The following CARNMT1 variants were observed in gnomAD, a reference collection of about 807,000 sequenced individuals.
CARNMT1 encodes carnosine N-methyltransferase 1.
CARNMT1 carries 28 observed loss-of-function variants against 49.6 expected under a neutral mutation model. The observed-to-expected ratio is 0.56, with a 90% CI of 0.42 to 0.77. The LOEUF (loss-of-function observed/expected upper bound fraction) is 0.77. Ranked by LOEUF, CARNMT1 falls within the 30% of genes least tolerant of loss-of-function variation. The pLI is 0.00. For synonymous variants in CARNMT1, 178 were observed against 175.0 expected, an observed-to-expected ratio of 1.02 and a Z score of -0.13; for missense variants, 421 against 512.6, an observed-to-expected ratio of 0.82 and a Z score of 1.73.
intron 6 of CARNMT1, among the ~76,000 whole-genome samples, chr9:74,990,297 CCTT>C (rs1832972899): frequency 6.6e-6 from 1 of 152,138 alleles, no homozygotes; most frequent in South Asian, 2.1e-4. Context: ...AAACAGAATA[CCTT>C]CAGAGGAGCA....
intron 3 of CARNMT1, among the ~76,000 whole-genome samples, chr9:75,002,177 A>G (rs952957281): frequency 1.3e-5 from 2 of 152,322 alleles, no homozygotes. Flanking sequence ...GAGGCCATAG[A>G]TCACACTTCC....
chr9:74,983,294 A>C lies in CARNMT1; in HGVS notation c.*473T>G, dbSNP rs1427585635. 6.6e-6 allele frequency: 1 copy of C among 152,076 alleles called. No homozygotes were observed. Among genetic ancestry groups the C allele is most frequent in the African/African-American group, 2.4e-5 (1 of 41,410 alleles). The allele number at this position is 152,076 out of a possible 1,614,324, so 9.4% of individuals were successfully genotyped here. A position where few individuals can be genotyped will look rare whatever the true frequency, so the allele number is the denominator to read the frequency against. On this transcript the variant is annotated 3_prime_UTR_variant, in exon 8 of 8. Transcript: ENST00000376834. The stretch of plus-strand genomic sequence containing the variant: ...CATATTTTACGCATAGTTTTCTTAG[A>C]TTGAAAGTGAACAAAGTCCCAACTC...
At chr9:74,999,631 G>A in intron 4 of CARNMT1, 99 bp downstream of exon 4, 2 of 992,508 alleles carry the variant, frequency 2.0e-6, no homozygotes, top group South Asian at 3.4e-5. Flanking sequence ...ATAATCAAAT[G>A]CTATGTACTT....
At chr9:75,019,421 T>C (rs1833938020) in intron 1 of CARNMT1, among the ~76,000 whole-genome samples, 1 of 152,234 alleles carries the variant, frequency 6.6e-6, no homozygotes, top group African/African-American at 2.4e-5. Context: ...AGGGGAAATA[T>C]GCATCTGTCA....
At chr9:75,028,404 C>T (rs1822597449), upstream of CARNMT1, 5 of 1,290,918 alleles carry the variant, frequency 3.9e-6, no homozygotes, top group Admixed American at 4.3e-5. Context: ...CGCTGGGCTC[C>T]GCCAGGTCTT....
chr9:74,998,659 A>G lies in CARNMT1; in HGVS notation c.849T>C (p.Leu283=). The G allele has an allele frequency of 6.2e-7, 1 of 1,607,986 alleles. No individual in the cohort carries two copies. The highest frequency in any genetic ancestry group is 1.1e-5 in the South Asian group (1 of 90,164). The change falls in exon 5 of 8, where the codon CTT becomes CTC. Residue 283 remains leucine, a synonymous_variant. Transcript: ENST00000376834. ...TCATAGAAAAGTTAGAACCAGGAGGAAGACTGTGGGGGTCAACATCAGGGA... is the reference window on the plus strand; with the variant it reads ...TCATAGAAAAGTTAGAACCAGGAGGGAGACTGTGGGGGTCAACATCAGGGA... ...IFFPDVDPHS[L]PPGSNFSMTA... is the part of the protein sequence containing the mutation.
At chr9:75,017,731 AATTT>A (rs1482368883) in intron 1 of CARNMT1, among the ~76,000 whole-genome samples, 1 of 152,240 alleles carries the variant, frequency 6.6e-6, no homozygotes, top group Non-Finnish European at 1.5e-5. Context: ...ATGTACAATT[AATTT>A]ATTTTTGTGT....
chr9:74,987,763 TTATTA>T (rs1002952828), intron 6 of CARNMT1, among the ~76,000 whole-genome samples: 2 of 152,112 alleles, frequency 1.3e-5, no homozygotes, highest in Admixed American at 1.3e-4. Context: ...AGGGTGAATT[TTATTA>T]TATGTCAATT....
At chr9:75,015,385 G>GTGT (rs1293146774) in intron 3 of CARNMT1, among the ~76,000 whole-genome samples, 1 of 151,862 alleles carries the variant, frequency 6.6e-6, no homozygotes, top group East Asian at 1.9e-4. Context: ...AGTGATATAT[G>GTGT]ATTTAAAAAA....
At position 74,981,491 on chromosome 9, in the gene CARNMT1, C is replaced by A. The variant is rs1832692105; in HGVS notation, c.*2276G>T. ...ATACTTCTATTATTGATTGATACCA[C>A]ATTTTCAAGTTTAGAATATATTAAC... On this transcript the variant is annotated 3_prime_UTR_variant, in exon 8 of 8. Transcript: ENST00000376834. 6.6e-6 allele frequency: 1 copy of A among 152,060 alleles called. No individual in the cohort carries two copies. Among genetic ancestry groups the A allele is most frequent in the South Asian group, 2.1e-4 (1 of 4,828 alleles). 9.4% of individuals were successfully genotyped at this position (152,060 alleles called of 1,614,324 possible). A position where few individuals can be genotyped will look rare whatever the true frequency, so the allele number is the denominator to read the frequency against.
At chr9:75,009,040 T>C (rs1210350221) in intron 3 of CARNMT1, among the ~76,000 whole-genome samples, 1 of 149,194 alleles carries the variant, frequency 6.7e-6, no homozygotes, top group Non-Finnish European at 1.5e-5. Context: ...ACCAAGACCA[T>C]TCAATCGGGA....
At chr9:75,005,634 G>A (rs975245384) in intron 3 of CARNMT1, among the ~76,000 whole-genome samples, 5 of 151,592 alleles carry the variant, frequency 3.3e-5, no homozygotes, top group African/African-American at 7.3e-5. Flanking sequence ...CACCACGCCC[G>A]GCTAATTTTT....
chr9:75,001,900 C>A (rs1208906310), intron 3 of CARNMT1, among the ~76,000 whole-genome samples: 1 of 152,044 alleles, frequency 6.6e-6, no homozygotes, highest in Non-Finnish European at 1.5e-5. Flanking sequence ...CAACCTTAAA[C>A]CAGGCTGAAT....
intron 1 of CARNMT1, among the ~76,000 whole-genome samples, chr9:75,026,235 T>C (rs1181540439): frequency 6.6e-6 from 1 of 152,168 alleles, no homozygotes; most frequent in Non-Finnish European, 1.5e-5. Flanking sequence ...CACTAGAATA[T>C]TCACACAAGA....
At chr9:75,002,720 G>A (rs1833398162) in intron 3 of CARNMT1, among the ~76,000 whole-genome samples, 1 of 152,046 alleles carries the variant, frequency 6.6e-6, no homozygotes, top group African/African-American at 2.4e-5. Context: ...AAAATGTCAA[G>A]GTTTAACAGA....
chr9:75,024,825 G>A (rs908603684), intron 1 of CARNMT1, among the ~76,000 whole-genome samples: 1 of 152,086 alleles, frequency 6.6e-6, no homozygotes, highest in Non-Finnish European at 1.5e-5. Flanking sequence ...CTGTGCAGTC[G>A]AAAACCCACA....
chr9:75,021,227 CTA>C (rs909288881), intron 1 of CARNMT1, among the ~76,000 whole-genome samples: 1 of 145,198 alleles, frequency 6.9e-6, no homozygotes, highest in African/African-American at 2.6e-5. Context: ...GTTCAATATA[CTA>C]TATAGAGTAT....
intron 6 of CARNMT1, among the ~76,000 whole-genome samples, chr9:74,994,085 A>T (rs1005522189): frequency 9.9e-5 from 15 of 152,184 alleles, no homozygotes; most frequent in Admixed American, 4.6e-4. Context: ...TAGTGTCCTT[A>T]TAAGAAGAGA....
chr9:74,982,098 G>T lies in CARNMT1; in HGVS notation c.*1669C>A, dbSNP rs1832707196. The T allele has an allele frequency of 6.6e-6, 1 of 151,052 alleles. No individual in the cohort carries two copies. Among genetic ancestry groups the T allele is most frequent in the Non-Finnish European group, 1.5e-5 (1 of 67,894 alleles). The allele number at this position is 151,052 out of a possible 1,614,324, so 9.4% of individuals were successfully genotyped here. A position where few individuals can be genotyped will look rare whatever the true frequency, so the allele number is the denominator to read the frequency against. On this transcript the variant is annotated 3_prime_UTR_variant, in exon 8 of 8. Transcript: ENST00000376834. The stretch of plus-strand genomic sequence containing the variant: ...ACTACATGAAACCCTCTATTGCATA[G>T]TGAGAGTAAAGGTCACAAAAGTCCC...
Sources: allele counts gnomAD v4.1 joint callset (sites outside exome capture counted in the v4.1 genomes callset), GRCh38; gene constraint gnomAD v4.1.1; transcripts MANE v1.5; gene names NCBI Gene and HGNC (gene_info 2026-07-23, HGNC 2026-07-21).